Variants in TRIM35 observed in about 807,000 individuals in gnomAD.
TRIM35 encodes E3 ubiquitin-protein ligase TRIM35.
In TRIM35, 37 loss-of-function variants were observed where a neutral mutation model predicts 49.1. The observed-to-expected ratio is 0.75, with a 90% confidence interval of 0.58 to 0.99. The LOEUF (loss-of-function observed/expected upper bound fraction) is 0.99, where lower values mean the gene tolerates loss of function less well. Ranked by LOEUF, TRIM35 falls within the 50% of genes least tolerant of loss-of-function variation. TRIM35 has a pLI of 0.00. For synonymous variants in TRIM35, 302 were observed against 289.3 expected (o/e 1.04, Z -0.45); for missense variants, 648 against 702.7 (o/e 0.92, Z 0.88).
At chr8:27,289,595 T>C (rs1802410985) in intron 4 of TRIM35, among the ~76,000 whole-genome samples, 1 of 152,172 alleles carries the variant, frequency 6.6e-6, no homozygotes, top group Non-Finnish European at 1.5e-5. Flanking sequence ...TCATGGGATG[T>C]CTGAGTTGGA....
intron 3 of TRIM35, among the ~76,000 whole-genome samples, chr8:27,290,387 G>A (rs1278989483): frequency 3.9e-5 from 6 of 152,154 alleles, no homozygotes; most frequent in African/African-American, 1.4e-4. Flanking sequence ...AGTGTTGGGA[G>A]GAAAGGCCTA....
intron 1 of TRIM35, among the ~76,000 whole-genome samples, chr8:27,306,059 C>T (rs1382059761): frequency 6.6e-6 from 1 of 152,128 alleles, no homozygotes; most frequent in Non-Finnish European, 1.5e-5. Context: ...AATCCTCCTG[C>T]CTCAGCCTCC....
In TRIM35 at chr8:27,287,796, G is replaced by C. The variant is rs145586504; in HGVS notation, c.1236C>G (p.Thr412=). 3.1e-6 allele frequency: 5 copies of C among 1,610,622 alleles called. No individual in the cohort carries two copies. In the African/African-American group the frequency reaches 4.0e-5, roughly 13 times the overall value. Residue 412 remains threonine, a synonymous_variant, in exon 6 of 6, where the codon ACC becomes ACG. Transcript: ENST00000305364. The surrounding 1 kb of genome is among the most constrained non-coding windows in gnomAD (Gnocchi z 6.0). The part of the protein sequence containing the change: ...TQGVEGDHCV[T]SDPATSPLVL... ...CCAGGGGCGACGTGGCTGGGTCCGA[G>C]GTCACGCAGTGGTCCCCCTCCACGC...
At chr8:27,294,582 C>A (rs911739050) in intron 2 of TRIM35, among the ~76,000 whole-genome samples, 1 of 152,150 alleles carries the variant, frequency 6.6e-6, no homozygotes, top group African/African-American at 2.4e-5. Flanking sequence ...AGTACTATAA[C>A]CTCATCTACA....
rs1456742556 is a variant in TRIM35 at position 27,311,112 on chromosome 8, G to A, written c.124C>T (p.Arg42Cys). 6.3e-7 allele frequency: 1 copy of A among 1,599,834 alleles called. No individual in the cohort carries two copies. Among genetic ancestry groups the A allele is most frequent in the Non-Finnish European group, 8.5e-7 (1 of 1,174,408 alleles). The change falls in exon 1 of 6, where the codon CGC (arginine) becomes TGC (cysteine). Residue 42 changes from arginine to cysteine, a missense_variant. Physicochemically the swap from Arg to Cys is radical, Grantham distance 180. Coordinates refer to ENST00000305364, the MANE Select transcript of TRIM35 (RefSeq NM_171982.5). Reference sequence around the variant, plus strand: ...TCCCAGCAGCGGCTCACGCACCCGCGGCAGAAGTTGTGGCCGCAGCGCAGA... The same window carrying A: ...TCCCAGCAGCGGCTCACGCACCCGCAGCAGAAGTTGTGGCCGCAGCGCAGA... ...VTLRCGHNFC[R>C]GCVSRCWEVQ...
intron 1 of TRIM35, among the ~76,000 whole-genome samples, chr8:27,304,302 C>A (rs1802738800): frequency 6.6e-6 from 1 of 152,228 alleles, no homozygotes; most frequent in African/African-American, 2.4e-5. Flanking sequence ...GCTAGAGTTG[C>A]ATGTGAAACC....
rs942097559 is a variant in TRIM35, at chr8:27,285,187, A to G, written c.*2363T>C. 1.3e-5 allele frequency: 2 copies of G among 152,212 alleles called. No homozygotes were observed. The highest frequency in any genetic ancestry group is 4.8e-5 in the African/African-American group (2 of 41,454). The allele number at this position is 152,212 out of a possible 1,614,324, so 9.4% of individuals were successfully genotyped here. A position where few individuals can be genotyped will look rare whatever the true frequency, so the allele number is the denominator to read the frequency against. ...GAGATGCCACATTACCCCTACTAGG[A>G]TGGCTAAGTTAAAAGATAGATAATA... On this transcript the variant is annotated 3_prime_UTR_variant, in exon 6 of 6. Coordinates refer to ENST00000305364, the MANE Select transcript of TRIM35 (RefSeq NM_171982.5).
chr8:27,287,576 T>C lies in TRIM35; in HGVS notation c.1456A>G (p.Ser486Gly), dbSNP rs760445599. The C allele has an allele frequency of 6.3e-7, 1 of 1,596,462 alleles. No homozygotes were observed. Among genetic ancestry groups the C allele is most frequent in the East Asian group, 2.2e-5 (1 of 44,516 alleles). ...EPLRICPLHISVKEELDG is the reference protein window; with the variant it reads ...EPLRICPLHIGVKEELDG ...CAGCCATCCAGTTCTTCCTTGACACTGATGTGCAAGGGGCAGATGCGCAAA... is the reference window on the plus strand; with the variant it reads ...CAGCCATCCAGTTCTTCCTTGACACCGATGTGCAAGGGGCAGATGCGCAAA... The change falls in exon 6 of 6, where the codon AGT becomes GGT. Residue 486 changes from serine to glycine, a missense_variant. Ser to Gly is a moderately conservative substitution (Grantham distance 56, BLOSUM62 0). Coordinates refer to ENST00000305364, the MANE Select transcript of TRIM35 (RefSeq NM_171982.5). The surrounding 1 kb of genome is among the most constrained non-coding windows in gnomAD (Gnocchi z 6.0).
rs576535227 is a variant in TRIM35, at chr8:27,287,944, C to A, written c.1088G>T (p.Gly363Val). 2.5e-6 allele frequency: 4 copies of A among 1,613,094 alleles called. No homozygotes were observed. The highest frequency in any genetic ancestry group is 2.7e-5 in the African/African-American group (2 of 75,042). ...GCCCACCCTCCAGCTCTGCAGCCCC[C>A]CAAGGGCCACCTCCCAGGCGTGCGA... ...QGSHAWEVAL[G>V]GLQSWRVGVV... The change falls in exon 6 of 6, where the codon GGG (glycine) becomes GTG (valine). Residue 363 changes from glycine to valine, a missense_variant. By Grantham distance (109) the Gly-to-Val change is moderately radical. Coordinates refer to ENST00000305364, the MANE Select transcript of TRIM35 (RefSeq NM_171982.5). This position sits in a 1 kb window ranked among gnomAD's most constrained non-coding sequence, Gnocchi z 6.0.
In TRIM35 at chr8:27,298,546, T is replaced by C; in HGVS notation, c.449A>G (p.Asn150Ser). Residue 150 changes from asparagine (N) to serine (S), a missense_variant, in exon 2 of 6, where the codon AAC becomes AGC. Physicochemically the swap from Asn to Ser is conservative, Grantham distance 46. Transcript: ENST00000305364. ...CTTCTCCCGCAGTGCATGCTCCATG[T>C]TCCTGCACTTGGCCTGACATGGGAA... The part of the protein sequence containing the change: ...TAHDFRAKCR[N>S]MEHALREKAK... 1 of 1,614,126 alleles carries C rather than the reference T, an allele frequency of 6.2e-7. No individual in the cohort carries two copies. Among genetic ancestry groups the C allele is most frequent in the Non-Finnish European group, 8.5e-7 (1 of 1,179,966 alleles).
chr8:27,288,935 C>A (rs536101275), intron 5 of TRIM35, among the ~76,000 whole-genome samples: 12 of 152,244 alleles, frequency 7.9e-5, no homozygotes, highest in African/African-American at 2.9e-4. Context: ...AGTGTCAGGA[C>A]CCTGAGAGAA....
chr8:27,294,123 C>T lies in TRIM35; in HGVS notation c.719G>A (p.Arg240Gln), dbSNP rs1238011630. The T allele has an allele frequency of 1.2e-5, 19 of 1,614,080 alleles. No individual in the cohort carries two copies. The South Asian group carries it at 1.2e-4, about 10-fold the overall frequency. Residue 240 changes from arginine to glutamine, a missense_variant, in exon 3 of 6, where the codon CGG becomes CAG. By Grantham distance (43) the Arg-to-Gln change is conservative. Coordinates refer to ENST00000305364, the MANE Select transcript of TRIM35 (RefSeq NM_171982.5). ...ETEVLAHEIE[R>Q]LQMEMKEDDV... ...GTCCTCCTTCATCTCCATCTGCAGCCGCTCGATCTCATGTGCCAGCACCTC... is the reference window on the plus strand; with the variant it reads ...GTCCTCCTTCATCTCCATCTGCAGCTGCTCGATCTCATGTGCCAGCACCTC...
chr8:27,306,665 T>C (rs1162205923), intron 1 of TRIM35, among the ~76,000 whole-genome samples: 1 of 152,208 alleles, frequency 6.6e-6, no homozygotes, highest in Non-Finnish European at 1.5e-5. Flanking sequence ...TATCAAGACA[T>C]GACTTTCATC....
At position 27,289,229 on chromosome 8, in the gene TRIM35, A is replaced by T; in HGVS notation, c.837T>A (p.Asp279Glu). ...PEPVQPGMLI[D>E]VCKYLGSLQY... is the part of the protein sequence containing the mutation. Reference sequence around the variant, plus strand: ...GCAGGGAGCCCAGGTACTTGCAGACATCGATAAGCATGCCGGGCTGGACTG... The same window carrying T: ...GCAGGGAGCCCAGGTACTTGCAGACTTCGATAAGCATGCCGGGCTGGACTG... The change falls in exon 5 of 6, where the codon GAT (aspartate) becomes GAA (glutamate). Residue 279 changes from aspartate to glutamate, a missense_variant. Transcript: ENST00000305364. The T allele has an allele frequency of 6.2e-7, 1 of 1,614,178 alleles. No homozygotes were observed. Among genetic ancestry groups the T allele is most frequent in the Non-Finnish European group, 8.5e-7 (1 of 1,180,008 alleles).
chr8:27,305,908 C>T lies in TRIM35; in HGVS notation c.435+4893G>A, dbSNP rs1240597767. The stretch of plus-strand genomic sequence containing the variant: ...GCTGGATGCAGTGGCCCAGTCATAG[C>T]TCACTGCACCCTCGAATGCCTGGCC... On this transcript the variant is annotated intron_variant, in intron 1 of 5. Transcript: ENST00000305364. 3.3e-5 allele frequency among the ~76,000 whole-genome samples: 5 copies of T among 152,284 alleles called. No individual in the cohort carries two copies. In the South Asian group the frequency reaches 6.2e-4, roughly 19 times the overall value.
chr8:27,286,402 C>T lies in TRIM35; in HGVS notation c.*1148G>A. 2 of 311,088 alleles carry T rather than the reference C, an allele frequency of 6.4e-6. No individual in the cohort carries two copies. The highest frequency in any genetic ancestry group is 2.7e-5 in the South Asian group (1 of 37,114). The allele number at this position is 311,088 out of a possible 1,614,324, so 19.3% of individuals were successfully genotyped here. On this transcript the variant is annotated 3_prime_UTR_variant, in exon 6 of 6. Coordinates refer to ENST00000305364, the MANE Select transcript of TRIM35 (RefSeq NM_171982.5). ...GGGCCACGTCCATGGCGCCACCCCTCTCCTTTCTTCCCAACTGAAAAGGGT... is the reference window on the plus strand; with the variant it reads ...GGGCCACGTCCATGGCGCCACCCCTTTCCTTTCTTCCCAACTGAAAAGGGT...
Position 27,286,853 on chromosome 8 carries a change from AGCGATG to A in TRIM35, c.*691_*696del, listed in dbSNP as rs1392455888. ...TTCCTATGGAAACCAACTAATCCGG[AGCGATG>A]GCGCCAGCTGCCTCCTTCACATGGC... On this transcript the variant is annotated 3_prime_UTR_variant, in exon 6 of 6. Transcript: ENST00000305364. 6.6e-6 allele frequency: 1 copy of A among 152,662 alleles called. No individual in the cohort carries two copies. Among genetic ancestry groups the A allele is most frequent in the East Asian group, 1.9e-4 (1 of 5,202 alleles). The allele number at this position is 152,662 out of a possible 1,614,324, so 9.5% of individuals were successfully genotyped here.
chr8:27,301,063 G>A (rs549880317), intron 1 of TRIM35, among the ~76,000 whole-genome samples: 4 of 152,264 alleles, frequency 2.6e-5, no homozygotes, highest in African/African-American at 7.2e-5. Flanking sequence ...GAGAGTTCTG[G>A]TTTCCTTCAG....
At chr8:27,290,773 C>T (rs2130263270) in intron 3 of TRIM35, among the ~76,000 whole-genome samples, 1 of 152,216 alleles carries the variant, frequency 6.6e-6, no homozygotes, top group Admixed American at 6.5e-5. Context: ...TCCTAAAATT[C>T]ACACAAAATT....
Sources: gnomAD v4.1 joint callset for allele counts (sites outside exome capture counted in the v4.1 genomes callset) on GRCh38, gnomAD v4.1.1 for gene constraint, Gnocchi (gnomAD v3.1) non-coding constraint, MANE v1.5 for transcripts, NCBI Gene and HGNC (gene_info 2026-07-23, HGNC 2026-07-21) for gene names.